ILRUN: variants seen among roughly 807,000 people sequenced by gnomAD.
The protein encoded by ILRUN is inflammation and lipid regulator with UBA-like and NBR1-like domains, also known as protein ILRUN.
A neutral mutation model predicts 33.8 loss-of-function variants in ILRUN; 3 were observed. The ratio of observed to expected loss-of-function variants is 0.09; its 90% CI spans 0.04 to 0.23. The LOEUF (loss-of-function observed/expected upper bound fraction) is 0.23. Among genes scored for constraint, ILRUN ranks in the 10% least tolerant of loss-of-function variants. The probability of loss-of-function intolerance (pLI) is 1.00; values close to 1 mark genes in which losing one functional copy is unlikely to be tolerated. For synonymous variants in ILRUN, 124 were observed against 138.9 expected (o/e 0.89, Z 0.75); for missense variants, 210 against 375.1 (o/e 0.56, Z 3.64).
At chr6:34,666,281 C>T (rs1030617822) in intron 1 of ILRUN, among the ~76,000 whole-genome samples, 2 of 152,256 alleles carry the variant, frequency 1.3e-5, no homozygotes, top group South Asian at 2.1e-4. Flanking sequence ...TATACTTGGC[C>T]GGGCATGGTG....
rs1207039156 is a variant in ILRUN, at chr6:34,643,772, G to A, written c.511+2829C>T. Among the ~76,000 whole-genome samples, 5 of 152,302 alleles carry A rather than the reference G, an allele frequency of 3.3e-5. 1 individual carries two copies. Among genetic ancestry groups the A allele is most frequent in the South Asian group, 4.1e-4 (2 of 4,826 alleles). On this transcript the variant is annotated intron_variant, in intron 3 of 4. Coordinates refer to ENST00000374023, the MANE Select transcript of ILRUN (RefSeq NM_024294.4). Reference sequence around the variant, plus strand: ...GGCTGGAGCGCAGTGGCGCGATCTCGGCTCATGGCAACCTCCACCTCCCAG... The same window carrying A: ...GGCTGGAGCGCAGTGGCGCGATCTCAGCTCATGGCAACCTCCACCTCCCAG...
intron 3 of ILRUN, chr6:34,616,767 C>A: frequency 1.4e-6 from 1 of 699,486 alleles, no homozygotes; most frequent in South Asian, 1.6e-5. Flanking sequence ...TATGTACCTG[C>A]AGAACTCAAA....
intron 1 of ILRUN, among the ~76,000 whole-genome samples, chr6:34,664,688 A>T (rs1554187826): frequency 6.6e-6 from 1 of 152,248 alleles, no homozygotes; most frequent in Non-Finnish European, 1.5e-5. Flanking sequence ...CAGGAGAGAC[A>T]TGAAAATATA....
At chr6:34,662,111 C>A (rs1395230318) in intron 1 of ILRUN, among the ~76,000 whole-genome samples, 2 of 118,344 alleles carry the variant, frequency 1.7e-5, no homozygotes, top group African/African-American at 6.3e-5. Flanking sequence ...GGCGACAGAG[C>A]GAGACTCCGT....
intron 1 of ILRUN, among the ~76,000 whole-genome samples, chr6:34,664,891 C>A (rs1291395046): frequency 1.3e-5 from 2 of 152,182 alleles, no homozygotes; most frequent in Non-Finnish European, 2.9e-5. Flanking sequence ...AGGGAACTTA[C>A]AATAAACCAG....
intron 3 of ILRUN, among the ~76,000 whole-genome samples, chr6:34,630,214 A>C (rs1017048411): frequency 6.6e-6 from 1 of 152,176 alleles, no homozygotes; most frequent in African/African-American, 2.4e-5. Flanking sequence ...CCTGGGCAAG[A>C]TGGAACGCTC....
At chr6:34,606,404 CT>C in intron 4 of ILRUN, 150 bp downstream of exon 4, 1 of 613,580 alleles carries the variant, frequency 1.6e-6, no homozygotes, top group South Asian at 2.2e-5. Context: ...AAGGGGTAAG[CT>C]TTTGCATTGT....
chr6:34,653,120 G>T (rs2127364466), intron 2 of ILRUN, among the ~76,000 whole-genome samples: 1 of 118,460 alleles, frequency 8.4e-6, no homozygotes, highest in Non-Finnish European at 1.6e-5. Flanking sequence ...GTGACAGAGT[G>T]AGACCTTGTC....
At position 34,592,975 on chromosome 6, in the gene ILRUN, G is replaced by A. The variant is rs1296969354; in HGVS notation, c.862-2375C>T. ...AACTGCTTGAGGTGAGGAGTTAGGAGATCAGTATGGGTAACACAGTGTGAC... is the reference window on the plus strand; with the variant it reads ...AACTGCTTGAGGTGAGGAGTTAGGAAATCAGTATGGGTAACACAGTGTGAC... On this transcript the variant is annotated intron_variant, in intron 4 of 4. Coordinates refer to ENST00000374023, the MANE Select transcript of ILRUN (RefSeq NM_024294.4). The surrounding 1 kb of genome is among the most constrained non-coding windows in gnomAD (Gnocchi z 4.0). 6.6e-6 allele frequency among the ~76,000 whole-genome samples: 1 copy of A among 152,104 alleles called. No individual in the cohort carries two copies. Among genetic ancestry groups the A allele is most frequent in the African/African-American group, 2.4e-5 (1 of 41,422 alleles).
At chr6:34,675,039 C>T (rs1003217115) in intron 1 of ILRUN, among the ~76,000 whole-genome samples, 2 of 152,156 alleles carry the variant, frequency 1.3e-5, no homozygotes, top group African/African-American at 4.8e-5. Flanking sequence ...CCAGCACTTT[C>T]GGAGGCCCAG....
chr6:34,686,438 T>C (rs1387113884), intron 1 of ILRUN, among the ~76,000 whole-genome samples: 1 of 149,324 alleles, frequency 6.7e-6, no homozygotes, highest in Non-Finnish European at 1.5e-5. Flanking sequence ...AGGCGGAGCT[T>C]GCAGTGAGCC....
chr6:34,614,503 T>TATA lies in ILRUN; in HGVS notation c.512-7600_512-7599insTAT, dbSNP rs1554183836. 3.9e-3 allele frequency among the ~76,000 whole-genome samples: 554 copies of TATA among 141,924 alleles called. 5 individuals are homozygous for TATA. Among genetic ancestry groups the TATA allele is most frequent in the African/African-American group, 0.012 (447 of 37,890 alleles). The allele number at this position is 141,924 out of a possible 152,430, so 93.1% of individuals were successfully genotyped here. On this transcript the variant is annotated intron_variant, in intron 3 of 4. Transcript: ENST00000374023. ...TATATATTATTATATATATTATATT[T>TATA]TATATATATATATATATTCATGGAT...
intron 3 of ILRUN, among the ~76,000 whole-genome samples, chr6:34,629,694 T>C (rs1008473773): frequency 6.6e-6 from 1 of 152,214 alleles, no homozygotes; most frequent in Admixed American, 6.5e-5. Flanking sequence ...GATCTGTGAT[T>C]TGATGTCTGA....
intron 4 of ILRUN, among the ~76,000 whole-genome samples, chr6:34,591,957 G>A (rs1761302595): frequency 6.6e-6 from 1 of 152,174 alleles, no homozygotes; most frequent in African/African-American, 2.4e-5. Flanking sequence ...GCTTGGCTGA[G>A]TGGAAGAAGC....
At chr6:34,596,421 A>G (rs1385487730) in intron 4 of ILRUN, among the ~76,000 whole-genome samples, 1 of 152,098 alleles carries the variant, frequency 6.6e-6, no homozygotes, top group Non-Finnish European at 1.5e-5. Context: ...GGTTCAAGCA[A>G]TTCTCCTGCC....
chr6:34,692,203 A>G (rs1763663220), intron 1 of ILRUN, among the ~76,000 whole-genome samples: 1 of 152,168 alleles, frequency 6.6e-6, no homozygotes. Context: ...GGTTCAAGCA[A>G]TCCTACTGCC....
intron 3 of ILRUN, among the ~76,000 whole-genome samples, chr6:34,623,027 GA>G (rs1214753747): frequency 4.6e-5 from 7 of 152,290 alleles, no homozygotes; most frequent in Admixed American, 3.3e-4. Context: ...CCACGTATGT[GA>G]GGTACCTAAG....
chr6:34,617,160 A>G (rs748177543), intron 3 of ILRUN: 1 of 508,158 alleles, frequency 2.0e-6, no homozygotes, highest in South Asian at 1.5e-5. Flanking sequence ...TATCTTCTGC[A>G]TTAAGTGGAA....
At chr6:34,603,815 C>T (rs903828899) in intron 4 of ILRUN, among the ~76,000 whole-genome samples, 1 of 152,104 alleles carries the variant, frequency 6.6e-6, no homozygotes, top group Non-Finnish European at 1.5e-5. Flanking sequence ...TCCTTTTATT[C>T]CTCAAGTCTC....
Sources: gnomAD v4.1 joint callset for allele counts (sites outside exome capture counted in the v4.1 genomes callset) on GRCh38, gnomAD v4.1.1 for gene constraint, Gnocchi (gnomAD v3.1) non-coding constraint, MANE v1.5 for transcripts, NCBI Gene and HGNC (gene_info 2026-07-23, HGNC 2026-07-21) for gene names.